Variants in DCDC2C observed in about 807,000 individuals in gnomAD.
DCDC2C encodes doublecortin domain-containing protein 2C.
DCDC2C carries 44 observed loss-of-function variants against 45.0 expected under a neutral mutation model. The observed-to-expected ratio is 0.98, with a 90% confidence interval of 0.77 to 1.26. The LOEUF is 1.26. Among genes scored for constraint, DCDC2C ranks in the 50% most tolerant of loss-of-function variants. The probability of loss-of-function intolerance (pLI) is 0.00; values close to 1 mark genes in which losing one functional copy is unlikely to be tolerated. For synonymous variants in DCDC2C, 187 were observed against 178.8 expected, an observed-to-expected ratio of 1.05 and a Z score of -0.37; for missense variants, 447 against 468.9, an observed-to-expected ratio of 0.95 and a Z score of 0.43.
intron 3 of DCDC2C, among the ~76,000 whole-genome samples, chr2:3,732,672 CTG>C (rs1240539084): frequency 6.6e-6 from 1 of 152,098 alleles, no homozygotes; most frequent in Non-Finnish European, 1.5e-5. Context: ...TAATTAACTC[CTG>C]ACAGTGTCTG....
chr2:3,766,698 A>G (rs1158945915), intron 6 of DCDC2C, among the ~76,000 whole-genome samples: 2 of 152,194 alleles, frequency 1.3e-5, no homozygotes, highest in Admixed American at 1.3e-4. Flanking sequence ...ACATTTCTTA[A>G]GTGACATAGA....
At chr2:3,767,435 T>A (rs1670043193) in intron 6 of DCDC2C, among the ~76,000 whole-genome samples, 1 of 152,228 alleles carries the variant, frequency 6.6e-6, no homozygotes, top group African/African-American at 2.4e-5. Flanking sequence ...TCCTTTGACT[T>A]GCTTGTTCCT....
At chr2:3,755,569 A>G (rs1373261504) in intron 6 of DCDC2C, among the ~76,000 whole-genome samples, 1 of 149,948 alleles carries the variant, frequency 6.7e-6, no homozygotes, top group Non-Finnish European at 1.5e-5. Flanking sequence ...GCATATGACT[A>G]TGTGTGTGTA....
At chr2:3,767,637 T>C in intron 6 of DCDC2C, 117 bp from the exon 7 acceptor site, 1 of 1,200,992 alleles carries the variant, frequency 8.3e-7, no homozygotes, top group Non-Finnish European at 1.1e-6. Context: ...TGCCTGAGTT[T>C]CCTCCTACTG....
chr2:3,776,671 C>T (rs759972812), intron 8 of DCDC2C, among the ~76,000 whole-genome samples: 6 of 152,216 alleles, frequency 3.9e-5, no homozygotes, highest in Non-Finnish European at 7.3e-5. Flanking sequence ...TCTCCTCTCA[C>T]TCTGGATGTC....
chr2:3,741,821 ATTG>A, intron 3 of DCDC2C, 96 bp from the exon 4 acceptor site: 2 of 1,300,920 alleles, frequency 1.5e-6, no homozygotes, highest in Non-Finnish European at 2.1e-6. Flanking sequence ...AGTGCATCTC[ATTG>A]TTTTTACAGT....
chr2:3,716,701 G>C (rs574315157), intron 2 of DCDC2C, among the ~76,000 whole-genome samples: 1 of 152,288 alleles, frequency 6.6e-6, no homozygotes, highest in South Asian at 2.1e-4. Flanking sequence ...CTTGAGAAAT[G>C]GCCTTGGGTG....
At chr2:3,743,566 T>G (rs192910441) in intron 4 of DCDC2C, among the ~76,000 whole-genome samples, 80 of 152,298 alleles carry the variant, frequency 5.3e-4, no homozygotes, top group African/African-American at 1.7e-3. Flanking sequence ...ACCATAATGA[T>G]ACAAAGCTAG....
At chr2:3,765,673 G>A (rs1669992845) in intron 6 of DCDC2C, among the ~76,000 whole-genome samples, 1 of 152,216 alleles carries the variant, frequency 6.6e-6, no homozygotes, top group Non-Finnish European at 1.5e-5. Context: ...TATGTGCCAG[G>A]CATGGTTCTA....
chr2:3,765,126 T>C (rs13010824), intron 6 of DCDC2C, among the ~76,000 whole-genome samples: 49,179 of 152,110 alleles, frequency 0.32, 8,369 homozygotes, highest in South Asian at 0.56. Context: ...AATATAGATA[T>C]TGGCCTGCAG....
At chr2:3,713,018 TAA>T (rs77685791) in intron 2 of DCDC2C, among the ~76,000 whole-genome samples, 3,804 of 152,236 alleles carry the variant, frequency 0.025, 230 homozygotes, top group South Asian at 0.22. Flanking sequence ...AAAAGATGAA[TAA>T]AGAGTTCAAG....
chr2:3,790,132 G>A (rs557400642), intron 10 of DCDC2C, among the ~76,000 whole-genome samples: 7 of 152,144 alleles, frequency 4.6e-5, no homozygotes, highest in South Asian at 2.1e-4. Context: ...GGAGGCTCTC[G>A]TGCTTCAGGT....
At chr2:3,822,469 T>C (rs761124546) in intron 10 of DCDC2C, among the ~76,000 whole-genome samples, 2 of 152,148 alleles carry the variant, frequency 1.3e-5, no homozygotes, top group Non-Finnish European at 2.9e-5. Flanking sequence ...TGTTATTCCC[T>C]GTACATTTCT....
intron 10 of DCDC2C, among the ~76,000 whole-genome samples, chr2:3,829,784 C>A (rs1035420607): frequency 6.6e-6 from 1 of 152,158 alleles, no homozygotes; most frequent in Non-Finnish European, 1.5e-5. Flanking sequence ...GGTTTCGGGG[C>A]CTTCGGTTCT....
chr2:3,706,757 C>A (rs1411348217), intron 1 of DCDC2C, among the ~76,000 whole-genome samples: 2 of 152,208 alleles, frequency 1.3e-5, no homozygotes, highest in Non-Finnish European at 2.9e-5. Context: ...CCGCAGATGA[C>A]AGGAGAAAGA....
chr2:3,804,459 A>G (rs1384133975), intron 10 of DCDC2C, among the ~76,000 whole-genome samples: 1 of 152,216 alleles, frequency 6.6e-6, no homozygotes, highest in Non-Finnish European at 1.5e-5. Context: ...CAGTCAATTC[A>G]TAAAGGAAGG....
At chr2:3,786,713 T>C (rs111513882) in intron 10 of DCDC2C, among the ~76,000 whole-genome samples, 2,896 of 151,846 alleles carry the variant, frequency 0.019, 74 homozygotes, top group African/African-American at 0.066. Context: ...GTCCCGCCTG[T>C]GCACGGAGCC....
chr2:3,717,713 C>T (rs1668384684), intron 2 of DCDC2C, among the ~76,000 whole-genome samples: 1 of 152,188 alleles, frequency 6.6e-6, no homozygotes, highest in African/African-American at 2.4e-5. Flanking sequence ...GTTTAAGGCC[C>T]TTCTTGATCT....
At chr2:3,751,303 G>T (rs760698265) in intron 4 of DCDC2C, among the ~76,000 whole-genome samples, 4 of 152,158 alleles carry the variant, frequency 2.6e-5, no homozygotes, top group African/African-American at 9.7e-5. Context: ...GGCACTGGCT[G>T]TCCAAGTCCA....
Sources: gnomAD v4.1 joint callset for allele counts (sites outside exome capture counted in the v4.1 genomes callset) on GRCh38, gnomAD v4.1.1 for gene constraint, MANE v1.5 for transcripts, NCBI Gene and HGNC (gene_info 2026-07-23, HGNC 2026-07-21) for gene names.